The following CALN1 variants were observed in gnomAD, a reference collection of about 807,000 sequenced individuals.
The protein encoded by CALN1 is calcium-binding protein 8.
In CALN1, 17 loss-of-function variants were observed where a neutral mutation model predicts 30.6. The ratio of observed to expected loss-of-function variants is 0.56; its 90% CI spans 0.38 to 0.83. The LOEUF is 0.83. CALN1 is among the 40% of genes least tolerant of loss of function. The pLI is 0.00. For missense variants in CALN1, 291 were observed against 354.9 expected (o/e 0.82, Z 1.45); for synonymous variants, 156 against 131.4 (o/e 1.19, Z -1.28).
At chr7:72,279,070 C>G (rs1050118998) in intron 2 of CALN1, among the ~76,000 whole-genome samples, 3 of 152,060 alleles carry the variant, frequency 2.0e-5, no homozygotes, top group African/African-American at 7.2e-5. Context: ...CGATGTTGTC[C>G]TTGTTAATCA....
At chr7:72,358,993 A>G (rs1304517642) in intron 2 of CALN1, among the ~76,000 whole-genome samples, 1 of 151,380 alleles carries the variant, frequency 6.6e-6, no homozygotes, top group Admixed American at 6.6e-5. Flanking sequence ...ATTGGGTGCT[A>G]CCAACACCAC....
intron 2 of CALN1, among the ~76,000 whole-genome samples, chr7:72,374,761 A>G (rs1033771869): frequency 5.9e-5 from 9 of 152,114 alleles, no homozygotes; most frequent in African/African-American, 2.2e-4. Flanking sequence ...AGTGCAATAA[A>G]TTTCCTCATG....
intron 1 of CALN1, among the ~76,000 whole-genome samples, chr7:72,423,411 G>A (rs1434023636): frequency 6.6e-6 from 1 of 152,158 alleles, no homozygotes; most frequent in Non-Finnish European, 1.5e-5. Flanking sequence ...GAGGGGCAGG[G>A]CAGGAGGTTT....
intron 5 of CALN1, among the ~76,000 whole-genome samples, chr7:71,912,408 A>G (rs1794471244): frequency 6.6e-6 from 1 of 152,116 alleles, no homozygotes; most frequent in Non-Finnish European, 1.5e-5. Context: ...AGTGTTTCCA[A>G]TGCAGTTTTC....
intron 5 of CALN1, among the ~76,000 whole-genome samples, chr7:71,938,460 G>T (rs2129521818): frequency 6.6e-6 from 1 of 152,218 alleles, no homozygotes; most frequent in South Asian, 2.1e-4. Flanking sequence ...ATGTGTGTCT[G>T]AGAGTGGGGC....
chr7:72,232,816 AT>A (rs984019405), intron 3 of CALN1, among the ~76,000 whole-genome samples: 11 of 152,142 alleles, frequency 7.2e-5, no homozygotes, highest in Non-Finnish European at 1.0e-4. Flanking sequence ...ATATATTGAA[AT>A]TTTTTTAATA....
chr7:72,247,845 T>C (rs911334759), intron 3 of CALN1, among the ~76,000 whole-genome samples: 3 of 151,984 alleles, frequency 2.0e-5, no homozygotes, highest in African/African-American at 7.2e-5. Flanking sequence ...AATTTAAAAA[T>C]TAGCCAGGCA....
intron 2 of CALN1, among the ~76,000 whole-genome samples, chr7:72,364,239 A>G (rs1803744015): frequency 6.6e-6 from 1 of 152,214 alleles, no homozygotes; most frequent in African/African-American, 2.4e-5. Flanking sequence ...ATTCTAGGCA[A>G]TCACAACAGA....
Position 71,791,867 on chromosome 7 carries a change from C to T in CALN1, c.659-3965G>A, listed in dbSNP as rs111571783. 5.4e-3 allele frequency among the ~76,000 whole-genome samples: 819 copies of T among 152,200 alleles called. 11 individuals are homozygous for T. Among genetic ancestry groups the T allele is most frequent in the African/African-American group, 0.018 (767 of 41,516 alleles). On this transcript the variant is annotated intron_variant, in intron 6 of 6. Transcript: ENST00000395275. ...TACTAAAACATAGAAAAAAATTAGC[C>T]GGGCGTGTTGGCGGGCGCCTGCAGT... is the stretch of plus-strand genomic sequence containing the variant.
intron 5 of CALN1, among the ~76,000 whole-genome samples, chr7:71,813,442 G>GAA (rs1788078946): frequency 1.3e-5 from 2 of 152,142 alleles, no homozygotes; most frequent in Non-Finnish European, 2.9e-5. Context: ...AAAAATCTCT[G>GAA]AATGTGTTAA....
intron 5 of CALN1, among the ~76,000 whole-genome samples, chr7:72,012,246 G>A (rs1194255238): frequency 3.3e-5 from 5 of 152,228 alleles, no homozygotes; most frequent in East Asian, 3.9e-4. Context: ...GGCCGGGCAC[G>A]GTGGCTCAAA....
At chr7:71,927,207 A>G (rs57073420) in intron 5 of CALN1, among the ~76,000 whole-genome samples, 3,523 of 150,000 alleles carry the variant, frequency 0.023, 143 homozygotes, top group African/African-American at 0.078. Flanking sequence ...CCAGTCTCAA[A>G]TTTTTTGTAT....
chr7:72,030,223 CTT>C (rs1019096778), intron 4 of CALN1, among the ~76,000 whole-genome samples: 3 of 134,378 alleles, frequency 2.2e-5, no homozygotes, highest in South Asian at 2.3e-4. Flanking sequence ...CATGCACTCT[CTT>C]TGTTACTCAA....
chr7:72,386,968 C>T (rs1805244542), intron 2 of CALN1, among the ~76,000 whole-genome samples: 2 of 151,166 alleles, frequency 1.3e-5, no homozygotes, highest in Admixed American at 6.6e-5. Flanking sequence ...GCTGAGGGGA[C>T]CTAGAAATAA....
Position 72,393,730 on chromosome 7 carries a change from T to C in CALN1, c.119+9521A>G, listed in dbSNP as rs114091259. On this transcript the variant is annotated intron_variant, in intron 2 of 6. Coordinates refer to ENST00000395275, the MANE Select transcript of CALN1 (RefSeq NM_031468.4). Reference sequence around the variant, plus strand: ...GCCTAGGAGTCGGCCATTTAGCTTATTGACCATAGAGCTTTTTTTTTTTTT... The same window carrying C: ...GCCTAGGAGTCGGCCATTTAGCTTACTGACCATAGAGCTTTTTTTTTTTTT... 8.8e-3 allele frequency among the ~76,000 whole-genome samples: 1,310 copies of C among 148,670 alleles called. 22 individuals carry two copies. Among genetic ancestry groups the C allele is most frequent in the African/African-American group, 0.029 (1,170 of 40,266 alleles).
rs1792875829 is a variant in CALN1 at position 71,784,398 on chromosome 7, G to A, written c.*3377C>T. On this transcript the variant is annotated 3_prime_UTR_variant, in exon 7 of 7. Transcript: ENST00000395275. ...TTTTGTGTGCCTTGGCAAACTCAGG[G>A]TGGAATGCAAGGGTTGCCATGGTAA... 6.3e-6 allele frequency: 1 copy of A among 159,396 alleles called. No homozygotes were observed. Among genetic ancestry groups the A allele is most frequent in the Non-Finnish European group, 1.4e-5 (1 of 73,046 alleles). The allele number at this position is 159,396 out of a possible 1,614,324, so 9.9% of individuals were successfully genotyped here.
intron 5 of CALN1, among the ~76,000 whole-genome samples, chr7:71,912,974 G>A (rs1794501039): frequency 6.6e-6 from 1 of 152,168 alleles, no homozygotes; most frequent in Non-Finnish European, 1.5e-5. Flanking sequence ...AGAAGCCTGG[G>A]GTGCTAAGCT....
At chr7:72,343,530 G>A (rs1802478684) in intron 2 of CALN1, among the ~76,000 whole-genome samples, 1 of 144,320 alleles carries the variant, frequency 6.9e-6, no homozygotes, top group South Asian at 2.3e-4. Context: ...ATGGGTGACA[G>A]AGCGAGATTC....
intron 4 of CALN1, among the ~76,000 whole-genome samples, chr7:72,048,114 A>G (rs1344337167): frequency 1.4e-5 from 2 of 145,770 alleles, no homozygotes; most frequent in Non-Finnish European, 3.0e-5. Flanking sequence ...ATCTTGGCTC[A>G]CTGCAACCTC....
Sources: allele counts gnomAD v4.1 joint callset (sites outside exome capture counted in the v4.1 genomes callset), GRCh38; gene constraint gnomAD v4.1.1; transcripts MANE v1.5; gene names NCBI Gene and HGNC (gene_info 2026-07-23, HGNC 2026-07-21).